The following TSLP variants were observed in gnomAD, a reference collection of about 807,000 sequenced individuals.
The protein encoded by TSLP is thymic stroma-derived lymphopoietin.
TSLP carries 12 observed loss-of-function variants against 12.4 expected under a neutral mutation model. That is an observed-to-expected ratio of 0.97 (90% CI 0.62 to 1.57). The LOEUF is 1.57. Among genes scored for constraint, TSLP ranks in the 40% most tolerant of loss-of-function variants. The pLI is 0.00. For synonymous variants in TSLP, 97 were observed against 69.5 expected (o/e 1.40, Z -1.97); for missense variants, 222 against 189.6 (o/e 1.17, Z -1.00).
At chr5:111,070,165 G>C (rs1752307790), upstream of TSLP, 1 of 152,238 alleles carries the variant, frequency 6.6e-6, no homozygotes, top group East Asian at 1.9e-4. Flanking sequence ...TTTGAAGTCA[G>C]CGGTGAATCA....
intron 2 of TSLP, 50 bp downstream of exon 2, chr5:111,072,982 A>G: frequency 6.2e-7 from 1 of 1,601,026 alleles, no homozygotes; most frequent in Non-Finnish European, 8.6e-7. Flanking sequence ...GACGCCAGGC[A>G]TTTTGGAGAG....
intron 2 of TSLP, 162 bp from the exon 3 acceptor site, chr5:111,073,349 C>T (rs1752395885): frequency 1.4e-6 from 2 of 1,471,280 alleles, no homozygotes; most frequent in Admixed American, 5.5e-5. Flanking sequence ...GCGGTTGGTT[C>T]TTCCTTGCTC....
At chr5:111,072,170 A>G (rs570853155) in intron 1 of TSLP, 109 bp downstream of exon 1, 1 of 901,532 alleles carries the variant, frequency 1.1e-6, no homozygotes, top group Admixed American at 2.8e-5. Flanking sequence ...AGAAAAAATC[A>G]TGGCCCCACA....
intron 3 of TSLP, among the ~76,000 whole-genome samples, chr5:111,074,941 G>C (rs908400566): frequency 1.3e-5 from 2 of 152,132 alleles, no homozygotes; most frequent in African/African-American, 4.8e-5. Context: ...TCTAGAGGTT[G>C]AGGATTGAAG....
intron 2 of TSLP, chr5:111,073,263 T>A: frequency 1.4e-6 from 2 of 1,411,056 alleles, no homozygotes; most frequent in Non-Finnish European, 1.8e-6. Flanking sequence ...CCTGGAGACT[T>A]GGGAGGAGCG....
At chr5:111,072,818 G>C (rs1190559544) in intron 1 of TSLP, 70 bp from the exon 2 acceptor site, 1 of 1,510,798 alleles carries the variant, frequency 6.6e-7, no homozygotes, top group African/African-American at 1.4e-5. Context: ...GGGAGCAAAG[G>C]GTGGAGGGAT....
At chr5:111,073,355 T>C in intron 2 of TSLP, 156 bp from the exon 3 acceptor site, 24 of 1,489,222 alleles carry the variant, frequency 1.6e-5, no homozygotes, top group Non-Finnish European at 2.1e-5. Context: ...GGTTCTTCCT[T>C]GCTCTACTCA....
At chr5:111,071,497 G>C (rs1320964983), upstream of TSLP, 3 of 1,547,258 alleles carry the variant, frequency 1.9e-6, no homozygotes, top group African/African-American at 4.1e-5. Context: ...AAGTGTTTAG[G>C]GCAAAGCAAA....
intron 1 of TSLP, 55 bp downstream of exon 1, chr5:111,072,116 A>G: frequency 7.0e-7 from 1 of 1,428,384 alleles, no homozygotes; most frequent in African/African-American, 1.4e-5. Flanking sequence ...GAGTCGGCAT[A>G]CACACACTCT....
upstream of TSLP, chr5:111,070,758 C>T (rs1410284713): frequency 6.6e-6 from 1 of 152,296 alleles, no homozygotes; most frequent in Non-Finnish European, 1.5e-5. Context: ...GGGCTGAGGC[C>T]CCAGGTGACA....
upstream of TSLP, chr5:111,070,122 A>G (rs1413260042): frequency 6.6e-6 from 1 of 152,198 alleles, no homozygotes; most frequent in African/African-American, 2.4e-5. Flanking sequence ...TGACTCGAGT[A>G]CAACACATGA....
At chr5:111,073,265 G>T in intron 2 of TSLP, 1 of 1,412,306 alleles carries the variant, frequency 7.1e-7, no homozygotes, top group South Asian at 1.6e-5. Context: ...TGGAGACTTG[G>T]GAGGAGCGAG....
intron 3 of TSLP, among the ~76,000 whole-genome samples, chr5:111,074,645 T>TG (rs1377933285): frequency 6.6e-6 from 1 of 150,426 alleles, no homozygotes; most frequent in East Asian, 1.9e-4. Flanking sequence ...TTTTTTTTTT[T>TG]TTTGAGACAG....
At chr5:111,070,998 T>C (rs1041253344), upstream of TSLP, 3 of 153,758 alleles carry the variant, frequency 2.0e-5, no homozygotes, top group African/African-American at 7.2e-5. Context: ...TCTTGACACC[T>C]GCTAGAAAGT....
upstream of TSLP, chr5:111,071,485 T>A (rs1269577959): frequency 2.6e-6 from 4 of 1,547,840 alleles, no homozygotes; most frequent in East Asian, 7.3e-5. Flanking sequence ...TTCACACTTA[T>A]GAAGTGTTTA....
upstream of TSLP, chr5:111,071,711 G>GT: frequency 8.3e-7 from 1 of 1,209,640 alleles, no homozygotes; most frequent in Non-Finnish European, 1.1e-6. Context: ...AAGCTCTGGA[G>GT]CATCAGGGAG....
Position 111,071,993 on chromosome 5 carries a change from G to A in TSLP, c.103G>A (p.Asp35Asn), listed in dbSNP as rs753501114. 6 of 1,614,184 alleles carry A rather than the reference G, an allele frequency of 3.7e-6. No homozygotes were observed. In the East Asian group the frequency reaches 1.1e-4, roughly 30 times the overall value. Reference sequence around the variant, plus strand: ...GTTAACTTACGACTTCACTAACTGTGACTTTGAGAAGATTAAAGCAGCCTA... The same window carrying A: ...GTTAACTTACGACTTCACTAACTGTAACTTTGAGAAGATTAAAGCAGCCTA... Reference protein sequence around the residue: ...LVLTYDFTNCDFEKIKAAYLS... With the variant: ...LVLTYDFTNCNFEKIKAAYLS... The change falls in exon 1 of 4, where the codon GAC (aspartate) becomes AAC (asparagine). Residue 35 changes from aspartate (D) to asparagine (N), a missense_variant. Coordinates refer to ENST00000344895, the MANE Select transcript of TSLP (RefSeq NM_033035.5).
upstream of TSLP, chr5:111,070,201 C>A (rs1049350757): frequency 6.6e-6 from 1 of 152,476 alleles, no homozygotes; most frequent in African/African-American, 2.4e-5. Context: ...TCTCGAGTGC[C>A]TTCTATGAAG....
chr5:111,071,316 G>T, upstream of TSLP: 11 of 860,508 alleles, frequency 1.3e-5, no homozygotes, highest in Non-Finnish European at 1.7e-5. Flanking sequence ...GTGGCCACAG[G>T]AAATGCTCAA....
Sources: allele counts gnomAD v4.1 joint callset (sites outside exome capture counted in the v4.1 genomes callset), GRCh38; gene constraint gnomAD v4.1.1; transcripts MANE v1.5; gene names NCBI Gene and HGNC (gene_info 2026-07-23, HGNC 2026-07-21).